The following MAGI1 variants were observed in gnomAD, a reference collection of about 807,000 sequenced individuals.
MAGI1 encodes membrane associated guanylate kinase, WW and PDZ domain containing 1.
MAGI1 carries 58 observed loss-of-function variants against 139.9 expected under a neutral mutation model. The observed-to-expected ratio is 0.41, with a 90% confidence interval of 0.34 to 0.52. The LOEUF (loss-of-function observed/expected upper bound fraction) is 0.52. Among genes scored for constraint, MAGI1 ranks in the 20% least tolerant of loss-of-function variants. The probability of loss-of-function intolerance (pLI) is 0.12; values close to 1 mark genes in which losing one functional copy is unlikely to be tolerated. For synonymous variants in MAGI1, 812 were observed against 737.9 expected (o/e 1.10, Z -1.63); for missense variants, 1,874 against 1,901.6 (o/e 0.99, Z 0.27).
intron 1 of MAGI1, among the ~76,000 whole-genome samples, chr3:65,985,596 C>G (rs984962705): frequency 1.3e-5 from 2 of 152,174 alleles, no homozygotes; most frequent in African/African-American, 4.8e-5. Context: ...AAGTGGAAAT[C>G]TCTCGTCTTT....
chr3:65,630,130 C>T (rs1378698492), intron 1 of MAGI1, among the ~76,000 whole-genome samples: 12 of 152,138 alleles, frequency 7.9e-5, no homozygotes, highest in Admixed American at 7.9e-4. Flanking sequence ...TACACTTAAA[C>T]ATTTGGGGAG....
chr3:65,504,430 G>T (rs1037469978), intron 2 of MAGI1, among the ~76,000 whole-genome samples: 2 of 152,174 alleles, frequency 1.3e-5, no homozygotes, highest in Non-Finnish European at 2.9e-5. Flanking sequence ...TGTCACAGAT[G>T]AGAAAACATG....
At chr3:65,420,472 ATTTG>A (rs895512311) in intron 12 of MAGI1, among the ~76,000 whole-genome samples, 1 of 151,726 alleles carries the variant, frequency 6.6e-6, no homozygotes, top group Non-Finnish European at 1.5e-5. Context: ...GATTTTGTTC[ATTTG>A]TTTATTTTTG....
chr3:65,468,332 G>A (rs1204292215), intron 5 of MAGI1, among the ~76,000 whole-genome samples: 1 of 146,032 alleles, frequency 6.8e-6, no homozygotes, highest in African/African-American at 2.5e-5. Context: ...ACTTATCTCA[G>A]AACTCTTCCC....
intron 1 of MAGI1, among the ~76,000 whole-genome samples, chr3:65,920,844 C>A (rs984039231): frequency 3.3e-5 from 5 of 152,054 alleles, no homozygotes; most frequent in African/African-American, 1.2e-4. Context: ...GCCTGACCAA[C>A]ATGGTGAAAC....
chr3:65,974,407 GTGGA>G (rs1243537570), intron 1 of MAGI1, among the ~76,000 whole-genome samples: 7 of 67,916 alleles, frequency 1.0e-4, no homozygotes, highest in African/African-American at 3.7e-4. Flanking sequence ...GGGTGGATGG[GTGGA>G]TGGATGGATG....
chr3:65,624,796 C>T (rs2083877167), intron 1 of MAGI1, among the ~76,000 whole-genome samples: 1 of 152,094 alleles, frequency 6.6e-6, no homozygotes, highest in Non-Finnish European at 1.5e-5. Flanking sequence ...TTTATAATAT[C>T]CTGTGAATAT....
At chr3:65,715,189 TTCTCAAGGGTATATCAC>T (rs2032077522) in intron 1 of MAGI1, among the ~76,000 whole-genome samples, 2 of 152,198 alleles carry the variant, frequency 1.3e-5, no homozygotes, top group African/African-American at 2.4e-5. Flanking sequence ...AAAAGGCATT[TTCTCAAGGGTATATCAC>T]TCTCATCAGA....
At chr3:65,940,208 A>G (rs763122274) in intron 1 of MAGI1, among the ~76,000 whole-genome samples, 5 of 152,186 alleles carry the variant, frequency 3.3e-5, no homozygotes, top group African/African-American at 4.8e-5. Flanking sequence ...GCGCTTAGGG[A>G]AAGCAATACT....
At chr3:65,611,904 T>C (rs1223760958) in intron 2 of MAGI1, among the ~76,000 whole-genome samples, 2 of 151,874 alleles carry the variant, frequency 1.3e-5, no homozygotes, top group Non-Finnish European at 2.9e-5. Context: ...AAGATACTAA[T>C]AGTAATTACT....
intron 18 of MAGI1, among the ~76,000 whole-genome samples, chr3:65,375,499 A>G (rs1028793836): frequency 3.3e-5 from 5 of 152,076 alleles, no homozygotes; most frequent in African/African-American, 7.2e-5. Flanking sequence ...AAACTTTTAT[A>G]TTTGCAGCAA....
chr3:66,036,478 T>C (rs991367772), intron 1 of MAGI1, among the ~76,000 whole-genome samples: 1 of 152,120 alleles, frequency 6.6e-6, no homozygotes, highest in South Asian at 2.1e-4. Flanking sequence ...AAAGTAGACA[T>C]TAAAGGAGCC....
At chr3:65,615,903 C>T (rs1475734335) in intron 2 of MAGI1, among the ~76,000 whole-genome samples, 1 of 152,196 alleles carries the variant, frequency 6.6e-6, no homozygotes, top group South Asian at 2.1e-4. Flanking sequence ...ATCCTTGACA[C>T]AGTAACGCCC....
chr3:65,597,288 C>T (rs934670942), intron 2 of MAGI1, among the ~76,000 whole-genome samples: 1 of 148,004 alleles, frequency 6.8e-6, no homozygotes, highest in Non-Finnish European at 1.5e-5. Context: ...CCCATTCAGC[C>T]GAGCCCCTCG....
At chr3:65,413,873 G>C (rs1156988364) in intron 12 of MAGI1, among the ~76,000 whole-genome samples, 1 of 152,168 alleles carries the variant, frequency 6.6e-6, no homozygotes, top group Non-Finnish European at 1.5e-5. Flanking sequence ...TGCAAGAACT[G>C]TGAGGCCGTT....
At chr3:65,363,211 A>G (rs367646019) in intron 21 of MAGI1, among the ~76,000 whole-genome samples, 19 of 152,210 alleles carry the variant, frequency 1.2e-4, no homozygotes, top group East Asian at 5.8e-4. Flanking sequence ...ACTTTAATAT[A>G]TTTGAAAGTA....
intron 1 of MAGI1, among the ~76,000 whole-genome samples, chr3:65,972,309 T>C (rs2065050904): frequency 6.6e-6 from 1 of 152,216 alleles, no homozygotes; most frequent in African/African-American, 2.4e-5. Flanking sequence ...GAGCAGAGAA[T>C]ATATTTTAGA....
intron 1 of MAGI1, among the ~76,000 whole-genome samples, chr3:65,975,128 T>A (rs1435091259): frequency 6.6e-6 from 1 of 150,742 alleles, no homozygotes. Context: ...ATGAGAAATG[T>A]CAACTTGGAT....
chr3:65,762,732 C>T (rs1329706283), intron 1 of MAGI1, among the ~76,000 whole-genome samples: 1 of 151,786 alleles, frequency 6.6e-6, no homozygotes, highest in Non-Finnish European at 1.5e-5. Flanking sequence ...TCTTACACCA[C>T]CCACTGACAT....
Sources: gnomAD v4.1 joint callset for allele counts (sites outside exome capture counted in the v4.1 genomes callset) on GRCh38, gnomAD v4.1.1 for gene constraint, MANE v1.5 for transcripts, NCBI Gene and HGNC (gene_info 2026-07-23, HGNC 2026-07-21) for gene names.